NBAS: variants seen among roughly 807,000 people sequenced by gnomAD.
NBAS encodes the protein NBAS subunit of NRZ tethering complex.
In NBAS, 219 loss-of-function variants were observed where a neutral mutation model predicts 302.5. That is an observed-to-expected ratio of 0.72 (90% CI 0.65 to 0.81). The LOEUF (loss-of-function observed/expected upper bound fraction) is 0.81, where lower values mean the gene tolerates loss of function less well. Among genes scored for constraint, NBAS ranks in the 30% least tolerant of loss-of-function variants. The probability of loss-of-function intolerance (pLI) is 0.00; values close to 1 mark genes in which losing one functional copy is unlikely to be tolerated. For missense variants in NBAS, 2,932 were observed against 2,841.6 expected (o/e 1.03, Z -0.72); for synonymous variants, 1,118 against 1,021.6 (o/e 1.09, Z -1.80).
the NBAS span, among the ~76,000 whole-genome samples, chr2:15,046,350 A>T: frequency 3.3e-5 from 5 of 152,216 alleles, no homozygotes; most frequent in Non-Finnish European, 7.3e-5. Context: ...TAGTCTTAAA[A>T]CATTTTTAAG....
chr2:15,106,451 G>GTCTCTCTCTCTC, the NBAS span, among the ~76,000 whole-genome samples: 724 of 147,944 alleles, frequency 4.9e-3, 8 homozygotes, highest in African/African-American at 0.016. Flanking sequence ...CTCTGTCTCT[G>GTCTCTCTCTCTC]TCTCTCTCTC....
At chr2:15,532,262 G>A (rs1249427131) in intron 9 of NBAS, among the ~76,000 whole-genome samples, 3 of 151,944 alleles carry the variant, frequency 2.0e-5, no homozygotes, top group African/African-American at 7.3e-5. Context: ...GGCCGAGGTG[G>A]GCGGATCACG....
At chr2:14,798,637 T>G in the NBAS span, among the ~76,000 whole-genome samples, 7 of 152,252 alleles carry the variant, frequency 4.6e-5, no homozygotes, top group African/African-American at 1.4e-4. Flanking sequence ...CTGGAACAGT[T>G]GCGTAGAATT....
At chr2:15,327,719 A>G (rs1200720412) in intron 38 of NBAS, 31 bp downstream of exon 38, 7 of 1,613,236 alleles carry the variant, frequency 4.3e-6, no homozygotes, top group Non-Finnish European at 5.9e-6. Flanking sequence ...AGAGTTACAC[A>G]CTGTCAAGGG....
chr2:15,441,429 T>C (rs1259724445), intron 21 of NBAS, among the ~76,000 whole-genome samples: 1 of 151,638 alleles, frequency 6.6e-6, no homozygotes, highest in Admixed American at 6.6e-5. Context: ...GAAGGAGAAA[T>C]AAAATACTTT....
At chr2:15,548,257 GAA>G (rs531596791) in intron 6 of NBAS, among the ~76,000 whole-genome samples, 1 of 149,000 alleles carries the variant, frequency 6.7e-6, no homozygotes, top group East Asian at 1.9e-4. Flanking sequence ...TGCTAAGCAC[GAA>G]AAAAAAAAGT....
In NBAS at chr2:15,167,267, C is replaced by T. The variant is rs774295456; in HGVS notation, c.6897G>A (p.Leu2299=). ...ELLSLLLDAK[L]LVKCVSTPFY... ...AGGGAGTGGAGACACACTTCACCAG[C>T]AGCTTGGCATCCAGGAGCAGGGAAA... Residue 2299 remains leucine, a synonymous_variant, in exon 52 of 52, where the codon CTG becomes CTA. Transcript: ENST00000281513. 2.5e-6 allele frequency: 4 copies of T among 1,614,256 alleles called. No homozygotes were observed. In the Admixed American group the frequency reaches 5.0e-5, roughly 20 times the overall value.
At chr2:15,066,059 T>TAAAC in the NBAS span, among the ~76,000 whole-genome samples, 1 of 151,690 alleles carries the variant, frequency 6.6e-6, no homozygotes, top group East Asian at 1.9e-4. Context: ...ACAGAATAAA[T>TAAAC]AGCCCAGAAA....
At chr2:15,158,018 A>C in the NBAS span, among the ~76,000 whole-genome samples, 1 of 152,146 alleles carries the variant, frequency 6.6e-6, no homozygotes, top group Admixed American at 6.5e-5. Flanking sequence ...GAGAATGGGG[A>C]CAGTGCCCAA....
At chr2:14,825,585 C>T in the NBAS span, among the ~76,000 whole-genome samples, 4 of 152,136 alleles carry the variant, frequency 2.6e-5, no homozygotes, top group African/African-American at 9.7e-5. Flanking sequence ...TTCATTCATG[C>T]AACAGATCTT....
the NBAS span, chr2:14,907,776 A>G: frequency 6.6e-6 from 1 of 152,260 alleles, no homozygotes; most frequent in Non-Finnish European, 1.5e-5. Context: ...CCTTGCTTGT[A>G]GCTGGCGAAT....
the NBAS span, among the ~76,000 whole-genome samples, chr2:15,000,370 A>C: frequency 4.6e-5 from 7 of 152,198 alleles, no homozygotes; most frequent in Non-Finnish European, 1.0e-4. Context: ...TCTGCTATTT[A>C]ACCCAGTTTT....
chr2:15,524,817 T>C (rs1212397348), intron 9 of NBAS, among the ~76,000 whole-genome samples: 1 of 151,974 alleles, frequency 6.6e-6, no homozygotes, highest in African/African-American at 2.4e-5. Context: ...TTTTTAATTC[T>C]CAACAGGTAA....
the NBAS span, among the ~76,000 whole-genome samples, chr2:14,794,376 T>A: frequency 6.6e-6 from 1 of 152,182 alleles, no homozygotes; most frequent in Non-Finnish European, 1.5e-5. Context: ...TTAGGTCTTC[T>A]TTTGCTTTTA....
chr2:14,825,964 G>A, the NBAS span, among the ~76,000 whole-genome samples: 1 of 152,154 alleles, frequency 6.6e-6, no homozygotes, highest in Non-Finnish European at 1.5e-5. Context: ...CAGAGGTTAT[G>A]GATAATAATA....
chr2:15,509,558 A>G (rs950582830), intron 10 of NBAS, among the ~76,000 whole-genome samples: 3 of 152,250 alleles, frequency 2.0e-5, no homozygotes, highest in Non-Finnish European at 2.9e-5. Context: ...TGCAGTATAT[A>G]TTAAATGCTA....
rs114096238 is a variant in NBAS, at chr2:15,534,184, T to A, written c.746+359A>T. 4.8e-3 allele frequency among the ~76,000 whole-genome samples: 724 copies of A among 152,218 alleles called. 8 individuals are homozygous for A. The highest frequency in any genetic ancestry group is 0.016 in the African/African-American group (672 of 41,532). ...AAGGAAAGAAAGAAGGGAAGTAGCA[T>A]CTACTGAGGCCGTTCTGTGTGAGGG... On this transcript the variant is annotated intron_variant, in intron 9 of 51. Coordinates refer to ENST00000281513, the MANE Select transcript of NBAS (RefSeq NM_015909.4).
chr2:15,204,536 T>C (rs1243993959), intron 48 of NBAS, among the ~76,000 whole-genome samples: 3 of 152,174 alleles, frequency 2.0e-5, no homozygotes, highest in Non-Finnish European at 4.4e-5. Flanking sequence ...TTATAAATCA[T>C]GCTGCTATAA....
Position 15,276,938 on chromosome 2 carries a change from T to C in NBAS, c.5302A>G (p.Asn1768Asp). The change falls in exon 43 of 52, where the codon AAC becomes GAC. Residue 1768 changes from asparagine to aspartate, a missense_variant. Asn to Asp is a conservative substitution (Grantham distance 23). Transcript: ENST00000281513. ...TTCCCCAAATCTGCACAGCCACAGT[T>C]TTCCAGAAGAGTGAAATAATACTGC... ...RLQYYFTLLE[N>D]CGCADLGNCA... 6.2e-7 allele frequency: 1 copy of C among 1,614,106 alleles called. No individual in the cohort carries two copies. Among genetic ancestry groups the C allele is most frequent in the Non-Finnish European group, 8.5e-7 (1 of 1,179,984 alleles).
Sources: allele counts gnomAD v4.1 joint callset (sites outside exome capture counted in the v4.1 genomes callset), GRCh38; gene constraint gnomAD v4.1.1; transcripts MANE v1.5; gene names NCBI Gene and HGNC (gene_info 2026-07-23, HGNC 2026-07-21).